The following GALNT9 variants were observed in gnomAD, a reference collection of about 807,000 sequenced individuals.
The protein encoded by GALNT9 is GalNAc transferase 9.
A neutral mutation model predicts 63.1 loss-of-function variants in GALNT9; 47 were observed. The ratio of observed to expected loss-of-function variants is 0.75; its 90% confidence interval spans 0.59 to 0.95. GALNT9 has a LOEUF of 0.95. Ranked by LOEUF, GALNT9 falls within the 40% of genes least tolerant of loss-of-function variation. The pLI, the probability that GALNT9 is intolerant of heterozygous loss-of-function variation, is 0.00. For synonymous variants in GALNT9, 396 were observed against 365.7 expected (o/e 1.08, Z -0.94); for missense variants, 829 against 874.8 (o/e 0.95, Z 0.66).
intron 1 of GALNT9, among the ~76,000 whole-genome samples, chr12:132,302,540 C>T (rs1356732980): frequency 2.0e-5 from 3 of 152,240 alleles, no homozygotes; most frequent in Non-Finnish European, 4.4e-5. Flanking sequence ...CACGGAGCGT[C>T]TGCTAAATTC....
At chr12:132,305,086 C>G (rs1456720191) in intron 1 of GALNT9, among the ~76,000 whole-genome samples, 6 of 79,536 alleles carry the variant, frequency 7.5e-5, no homozygotes, top group African/African-American at 3.4e-4. Flanking sequence ...CCTGGGCACA[C>G]CCTCACCCGG....
chr12:132,197,203 C>A lies in GALNT9; in HGVS notation c.1716G>T (p.Met572Ile), dbSNP rs199869045. 6.2e-7 allele frequency: 1 copy of A among 1,613,862 alleles called. No homozygotes were observed. Among genetic ancestry groups the A allele is most frequent in the African/African-American group, 1.3e-5 (1 of 74,940 alleles). Residue 572 changes from methionine to isoleucine, a missense_variant, in exon 11 of 11, where the codon ATG becomes ATT. Transcript: ENST00000328957. Reference protein sequence around the residue: ...RATGRCLEVEMSKDANFGLRL... With the variant: ...RATGRCLEVEISKDANFGLRL... Reference sequence around the variant, plus strand: ...GGAGCCCAAAGTTGGCATCTTTGGACATCTCCACCTCCAGGCAGCGGCCCG... The same window carrying A: ...GGAGCCCAAAGTTGGCATCTTTGGAAATCTCCACCTCCAGGCAGCGGCCCG...
chr12:132,288,178 G>A (rs1462516989), intron 1 of GALNT9, among the ~76,000 whole-genome samples: 1 of 152,192 alleles, frequency 6.6e-6, no homozygotes, highest in Non-Finnish European at 1.5e-5. Flanking sequence ...CCGATGCCCT[G>A]GGAAGATTCC....
intron 1 of GALNT9, among the ~76,000 whole-genome samples, chr12:132,305,246 G>C (rs1328304908): frequency 3.3e-5 from 1 of 29,988 alleles, no homozygotes; most frequent in South Asian, 1.6e-3. Flanking sequence ...CCCGGGCACA[G>C]AATCGCCCAG....
chr12:132,323,869 C>T (rs956830218), intron 1 of GALNT9, among the ~76,000 whole-genome samples: 2 of 152,254 alleles, frequency 1.3e-5, no homozygotes, highest in Non-Finnish European at 1.5e-5. Flanking sequence ...GCTGCTGCCA[C>T]TGTGGAAGCG....
At chr12:132,203,097 A>G (rs1470108613) in intron 7 of GALNT9, among the ~76,000 whole-genome samples, 1 of 152,098 alleles carries the variant, frequency 6.6e-6, no homozygotes, top group Admixed American at 6.5e-5. Context: ...TGAAACCGCC[A>G]GACAGTTGAG....
At chr12:132,250,910 G>A (rs1432698395) in intron 5 of GALNT9, among the ~76,000 whole-genome samples, 4 of 152,208 alleles carry the variant, frequency 2.6e-5, no homozygotes, top group African/African-American at 4.8e-5. Flanking sequence ...TGGACCTGTC[G>A]CCTGCACACG....
Position 132,329,303 on chromosome 12 carries a change from G to C in GALNT9, c.-100C>G, listed in dbSNP as rs1555246792. On this transcript the variant is annotated 5_prime_UTR_variant, in exon 1 of 11. Transcript: ENST00000328957. The stretch of plus-strand genomic sequence containing the variant: ...GCTTCGGGGACCATGAGCCGCCCGG[G>C]GCTGCGGGGGCTGCGGGGCTCGGCC... 7.0e-7 allele frequency: 1 copy of C among 1,425,298 alleles called. No homozygotes were observed. The highest frequency in any genetic ancestry group is 9.2e-7 in the Non-Finnish European group (1 of 1,082,326). The allele number at this position is 1,425,298 out of a possible 1,614,324, so 88.3% of individuals were successfully genotyped here.
At chr12:132,228,866 C>T (rs1189022251) in intron 6 of GALNT9, among the ~76,000 whole-genome samples, 1 of 152,196 alleles carries the variant, frequency 6.6e-6, no homozygotes, top group Non-Finnish European at 1.5e-5. Context: ...CTAACTGGCT[C>T]TAGGACTTTC....
In GALNT9 at chr12:132,325,965, G is replaced by A. The variant is rs141491442; in HGVS notation, c.238+3001C>T. On this transcript the variant is annotated intron_variant, in intron 1 of 10. Transcript: ENST00000328957. The stretch of plus-strand genomic sequence containing the variant: ...GCGACGCGGGCGACCGTGCTCCCTG[G>A]CGGTGACCTTCACTCGCTCCACGCC... Among the ~76,000 whole-genome samples the A allele has an allele frequency of 2.8e-4, 43 of 152,398 alleles. 2 individuals are homozygous for A. In the South Asian group the frequency reaches 8.1e-3, roughly 29 times the overall value.
chr12:132,321,203 A>AGAATCGAGGCCCCTGTCGGTCCG (rs1566024603), intron 1 of GALNT9, among the ~76,000 whole-genome samples: 1 of 28,178 alleles, frequency 3.5e-5, no homozygotes, highest in Non-Finnish European at 6.8e-5. Flanking sequence ...CTGTTGGTCC[A>AGAATCGAGGCCCCTGTCGGTCCG]GAGTCGAGGC....
intron 6 of GALNT9, among the ~76,000 whole-genome samples, chr12:132,239,045 C>G (rs1878105092): frequency 6.6e-6 from 1 of 152,068 alleles, no homozygotes; most frequent in Non-Finnish European, 1.5e-5. Flanking sequence ...TAGAACCTGG[C>G]CTAGATTTTC....
intron 2 of GALNT9, chr12:132,280,048 C>G (rs1389384719): frequency 6.6e-6 from 1 of 152,468 alleles, no homozygotes; most frequent in Non-Finnish European, 1.5e-5. Flanking sequence ...TCCACCAGGT[C>G]TCCTGGATTC....
At chr12:132,269,336 G>A (rs930611894) in intron 2 of GALNT9, among the ~76,000 whole-genome samples, 59 of 152,258 alleles carry the variant, frequency 3.9e-4, no homozygotes, top group African/African-American at 1.4e-3. Flanking sequence ...CGCGGGAGAA[G>A]AGCAAGCAGA....
At chr12:132,328,888 C>A in intron 1 of GALNT9, 78 bp downstream of exon 1, 2 of 1,401,304 alleles carry the variant, frequency 1.4e-6, no homozygotes, top group Non-Finnish European at 9.3e-7. Flanking sequence ...CACCCGAGGC[C>A]GGCCTGACCC....
In GALNT9 at chr12:132,286,196, G is replaced by A; in HGVS notation, c.419+54C>T. ...CAGTCACTTCCCTGGCCAGTGTGGGGGGCGGTCACTTCCTCGGCGGGCGTC... is the reference window on the plus strand; with the variant it reads ...CAGTCACTTCCCTGGCCAGTGTGGGAGGCGGTCACTTCCTCGGCGGGCGTC... On this transcript the variant is annotated intron_variant, in intron 2 of 10. Coordinates refer to ENST00000328957, the MANE Select transcript of GALNT9 (RefSeq NM_001122636.2). The surrounding 1 kb of genome is among the most constrained non-coding windows in gnomAD (Gnocchi z 7.4). 4 of 1,512,198 alleles carry A rather than the reference G, an allele frequency of 2.6e-6. No individual in the cohort carries two copies. The highest frequency in any genetic ancestry group is 3.6e-6 in the Non-Finnish European group (4 of 1,123,866). 93.7% of individuals were successfully genotyped at this position (1,512,198 alleles called of 1,614,324 possible).
At chr12:132,240,307 G>A (rs2136898027) in intron 6 of GALNT9, among the ~76,000 whole-genome samples, 37 of 152,112 alleles carry the variant, frequency 2.4e-4, no homozygotes, top group Non-Finnish European at 4.0e-4. Flanking sequence ...CTGTAGCCCC[G>A]GCCCGGCTCT....
At chr12:132,215,140 C>T (rs532307047) in intron 6 of GALNT9, among the ~76,000 whole-genome samples, 2 of 152,366 alleles carry the variant, frequency 1.3e-5, no homozygotes, top group African/African-American at 2.4e-5. Context: ...GCCGGGTCTC[C>T]GCAGCTCTGG....
Position 132,196,569 on chromosome 12 carries a change from C to G in GALNT9, c.*538G>C. On this transcript the variant is annotated 3_prime_UTR_variant, in exon 11 of 11. Coordinates refer to ENST00000328957, the MANE Select transcript of GALNT9 (RefSeq NM_001122636.2). ...AGCAGTCGTGCCAGCCTCCTAGACA[C>G]GGCCTCAGGTTTGTCGCTGTCCATG... The G allele has an allele frequency of 1.0e-6, 1 of 986,644 alleles. No homozygotes were observed. The highest frequency in any genetic ancestry group is 1.2e-6 in the Non-Finnish European group (1 of 830,792). The allele number at this position is 986,644 out of a possible 1,614,324, so 61.1% of individuals were successfully genotyped here.
Sources: allele counts gnomAD v4.1 joint callset (sites outside exome capture counted in the v4.1 genomes callset), GRCh38; gene constraint gnomAD v4.1.1; non-coding constraint Gnocchi (gnomAD v3.1); transcripts MANE v1.5; gene names NCBI Gene and HGNC (gene_info 2026-07-23, HGNC 2026-07-21).